Variants in CIT observed in about 807,000 individuals in gnomAD.
The protein encoded by CIT is citron rho-interacting serine/threonine kinase.
Under a neutral mutation model 272.7 loss-of-function variants are expected in CIT, and 79 were observed. The ratio of observed to expected loss-of-function variants is 0.29; its 90% CI spans 0.24 to 0.35. The LOEUF (loss-of-function observed/expected upper bound fraction) is 0.35, where lower values mean the gene tolerates loss of function less well. Among genes scored for constraint, CIT ranks in the 10% least tolerant of loss-of-function variants. The pLI is 1.00. For missense variants in CIT, 1,909 were observed against 2,618.3 expected (o/e 0.73, Z 5.91); for synonymous variants, 948 against 995.6 (o/e 0.95, Z 0.90).
chr12:119,803,413 G>A (rs1445566067), intron 9 of CIT, 24 bp from the exon 10 acceptor site: 1 of 1,507,098 alleles, frequency 6.6e-7, no homozygotes, highest in Non-Finnish European at 8.9e-7. Context: ...AACAAGAAAG[G>A]AGGCGGGGAG....
chr12:119,731,485 A>G (rs2137226110), intron 26 of CIT, among the ~76,000 whole-genome samples: 1 of 151,866 alleles, frequency 6.6e-6, no homozygotes, highest in South Asian at 2.1e-4. Context: ...CAAAAAAAAA[A>G]AAAAAAAGAA....
At chr12:119,779,847 T>C (rs989983377) in intron 13 of CIT, among the ~76,000 whole-genome samples, 1 of 152,176 alleles carries the variant, frequency 6.6e-6, no homozygotes, top group Non-Finnish European at 1.5e-5. Context: ...TGTGGATCCT[T>C]TGATATTGTG....
intron 46 of CIT, among the ~76,000 whole-genome samples, chr12:119,696,849 C>T (rs1298454234): frequency 6.6e-6 from 1 of 152,154 alleles, no homozygotes; most frequent in Non-Finnish European, 1.5e-5. Context: ...ATACAAGTGG[C>T]AGCATATCTG....
chr12:119,734,088 T>G, intron 26 of CIT, 76 bp downstream of exon 26: 5 of 1,468,724 alleles, frequency 3.4e-6, no homozygotes, highest in Non-Finnish European at 4.6e-6. Context: ...GAATAGCTGA[T>G]CACCCTGTCC....
intron 23 of CIT, among the ~76,000 whole-genome samples, chr12:119,744,015 G>A (rs1959171962): frequency 6.6e-6 from 1 of 152,208 alleles, no homozygotes; most frequent in Admixed American, 6.5e-5. Flanking sequence ...GGATTTTACT[G>A]TTGTTTTAAG....
intron 2 of CIT, among the ~76,000 whole-genome samples, chr12:119,875,639 T>A (rs1488324864): frequency 6.6e-6 from 1 of 152,104 alleles, no homozygotes; most frequent in African/African-American, 2.4e-5. Context: ...CAGAAGACCT[T>A]GTTTCAAACA....
chr12:119,839,549 C>A (rs1349642952), intron 5 of CIT, among the ~76,000 whole-genome samples: 1 of 152,116 alleles, frequency 6.6e-6, no homozygotes, highest in African/African-American at 2.4e-5. Flanking sequence ...CGATATTATT[C>A]TTCTTGAGAA....
intron 8 of CIT, among the ~76,000 whole-genome samples, chr12:119,823,329 C>A (rs193036231): frequency 6.6e-6 from 1 of 152,312 alleles, no homozygotes; most frequent in East Asian, 1.9e-4. Context: ...CCTTGGCTAC[C>A]TTTTCTATCC....
intron 26 of CIT, among the ~76,000 whole-genome samples, chr12:119,733,914 A>G (rs918036125): frequency 6.6e-6 from 1 of 152,146 alleles, no homozygotes; most frequent in Non-Finnish European, 1.5e-5. Flanking sequence ...CCTGATGCCC[A>G]GGCCTCTGCA....
intron 10 of CIT, among the ~76,000 whole-genome samples, chr12:119,793,175 T>C (rs931108382): frequency 6.6e-6 from 1 of 151,848 alleles, no homozygotes; most frequent in Non-Finnish European, 1.5e-5. Flanking sequence ...TACACACATA[T>C]GCACTCACAC....
chr12:119,817,711 C>T (rs1359051411), intron 9 of CIT, among the ~76,000 whole-genome samples: 3 of 152,112 alleles, frequency 2.0e-5, no homozygotes, highest in Non-Finnish European at 4.4e-5. Flanking sequence ...GCCACAGCAC[C>T]AGCACCTGAC....
intron 13 of CIT, among the ~76,000 whole-genome samples, chr12:119,777,749 C>T (rs950330546): frequency 1.3e-5 from 2 of 151,848 alleles, no homozygotes; most frequent in Admixed American, 6.6e-5. Flanking sequence ...AACACACATG[C>T]AAATCACACC....
chr12:119,714,059 G>C (rs1359376855), intron 33 of CIT, 138 bp downstream of exon 33: 1 of 949,368 alleles, frequency 1.1e-6, no homozygotes, highest in African/African-American at 1.7e-5. Flanking sequence ...GGGAAAAATA[G>C]CATCCTCCTA....
rs1412588369 is a variant in CIT, at chr12:119,768,374, G to C, written c.2209-1192C>G. On this transcript the variant is annotated intron_variant, in intron 18 of 47. Coordinates refer to ENST00000392521, the MANE Select transcript of CIT (RefSeq NM_001206999.2). The surrounding 1 kb of genome is among the most constrained non-coding windows in gnomAD (Gnocchi z 4.3). ...AATTCTTATGAATCTGGACCCATCAGTTAATTACTAATATCAAGTCATTAC... is the reference window on the plus strand; with the variant it reads ...AATTCTTATGAATCTGGACCCATCACTTAATTACTAATATCAAGTCATTAC... Among the ~76,000 whole-genome samples the C allele has an allele frequency of 1.3e-5, 2 of 152,164 alleles. No individual in the cohort carries two copies. The highest frequency in any genetic ancestry group is 4.8e-5 in the African/African-American group (2 of 41,434).
intron 40 of CIT, among the ~76,000 whole-genome samples, chr12:119,707,671 T>G (rs1413167058): frequency 6.6e-6 from 1 of 152,102 alleles, no homozygotes; most frequent in African/African-American, 2.4e-5. Context: ...CCAGCTAATT[T>G]TTGTATTTTT....
chr12:119,727,041 T>C (rs978954761), intron 28 of CIT, among the ~76,000 whole-genome samples: 2 of 152,234 alleles, frequency 1.3e-5, no homozygotes, highest in African/African-American at 4.8e-5. Flanking sequence ...TTTGCATGGA[T>C]GTCCTATCGG....
intron 23 of CIT, among the ~76,000 whole-genome samples, chr12:119,745,374 CAAA>C (rs757825062): frequency 0.058 from 402 of 6,972 alleles, 3 homozygotes; most frequent in Admixed American, 0.12. Flanking sequence ...AAGAAACAAG[CAAA>C]AAAAAAAAAA....
rs35431237 is a variant in CIT at position 119,697,673 on chromosome 12, C to T, written c.5868G>A (p.Pro1956=). 1.3e-3 allele frequency: 2,082 copies of T among 1,613,642 alleles called. 26 individuals are homozygous for T. The African/African-American group carries it at 0.022, about 17-fold the overall frequency. Residue 1956 remains proline (P), a synonymous_variant, in exon 46 of 48, where the codon CCG becomes CCA. Coordinates refer to ENST00000392521, the MANE Select transcript of CIT (RefSeq NM_001206999.2). The surrounding 1 kb of genome is among the most constrained non-coding windows in gnomAD (Gnocchi z 4.9). The part of the protein sequence containing the change: ...KESGTEHHRG[P]STSRSSPNKR... ...AAGCTGGTTACCTGCGGGAGGTGGACGGGCCCCGGTGGTGTTCAGTGCCGG... is the reference window on the plus strand; with the variant it reads ...AAGCTGGTTACCTGCGGGAGGTGGATGGGCCCCGGTGGTGTTCAGTGCCGG...
chr12:119,788,395 G>C (rs1202989597), intron 10 of CIT, among the ~76,000 whole-genome samples: 1 of 152,160 alleles, frequency 6.6e-6, no homozygotes, highest in Non-Finnish European at 1.5e-5. Context: ...GTGATCCACA[G>C]ACTGGGTCCC....
Sources: allele counts gnomAD v4.1 joint callset (sites outside exome capture counted in the v4.1 genomes callset), GRCh38; gene constraint gnomAD v4.1.1; non-coding constraint Gnocchi (gnomAD v3.1); transcripts MANE v1.5; gene names NCBI Gene and HGNC (gene_info 2026-07-23, HGNC 2026-07-21).